KYAT1: variants seen among roughly 807,000 people sequenced by gnomAD.
The protein encoded by KYAT1 is kynurenine aminotransferase 1.
Under a neutral mutation model 52.4 loss-of-function variants are expected in KYAT1, and 47 were observed. The ratio of observed to expected loss-of-function variants is 0.90; its 90% CI spans 0.71 to 1.14. KYAT1 has a LOEUF of 1.14. KYAT1 is among the 50% of genes most tolerant of loss of function. The pLI, the probability that KYAT1 is intolerant of heterozygous loss-of-function variation, is 0.00. For missense variants in KYAT1, 480 were observed against 557.9 expected (o/e 0.86, Z 1.41); for synonymous variants, 212 against 209.6 (o/e 1.01, Z -0.10).
chr9:128,869,582 CAAAAT>C (rs1237179432), intron 1 of KYAT1, among the ~76,000 whole-genome samples: 3 of 152,080 alleles, frequency 2.0e-5, no homozygotes, highest in Non-Finnish European at 4.4e-5. Context: ...AAAATTAACT[CAAAAT>C]AAACCAACAA....
At chr9:128,834,583 G>A (rs1023185715) in intron 11 of KYAT1, among the ~76,000 whole-genome samples, 1 of 152,054 alleles carries the variant, frequency 6.6e-6, no homozygotes, top group Non-Finnish European at 1.5e-5. Context: ...CAGCACTTTG[G>A]GAGGCCAAGG....
At chr9:128,850,530 C>T (rs1203472497) in intron 1 of KYAT1, among the ~76,000 whole-genome samples, 1 of 152,156 alleles carries the variant, frequency 6.6e-6, no homozygotes, top group Admixed American at 6.5e-5. Flanking sequence ...ACCAGGGGCA[C>T]AATGCACTGC....
At chr9:128,842,565 C>T in intron 3 of KYAT1, 89 bp downstream of exon 3, 1 of 1,354,312 alleles carries the variant, frequency 7.4e-7, no homozygotes, top group Admixed American at 1.9e-5. Flanking sequence ...GCTCTGTCCC[C>T]TGAAGCCTGA....
At chr9:128,871,850 G>A (rs575902542) in intron 1 of KYAT1, among the ~76,000 whole-genome samples, 1 of 152,294 alleles carries the variant, frequency 6.6e-6, no homozygotes, top group Admixed American at 6.5e-5. Flanking sequence ...CATGTTGGCT[G>A]GGCGTGGTGG....
chr9:128,876,991 C>T (rs1211120549), intron 1 of KYAT1, among the ~76,000 whole-genome samples: 1 of 152,046 alleles, frequency 6.6e-6, no homozygotes, highest in Non-Finnish European at 1.5e-5. Flanking sequence ...CTCTGCCTCC[C>T]GGGTTCAAGT....
At chr9:128,876,884 G>A (rs1376108315) in intron 1 of KYAT1, among the ~76,000 whole-genome samples, 3 of 150,808 alleles carry the variant, frequency 2.0e-5, no homozygotes, top group Non-Finnish European at 4.4e-5. Flanking sequence ...ACGCCACCAC[G>A]CCCAGCTAAT....
intron 1 of KYAT1, among the ~76,000 whole-genome samples, chr9:128,865,613 C>T (rs945830101): frequency 5.9e-5 from 9 of 151,522 alleles, no homozygotes; most frequent in African/African-American, 1.9e-4. Context: ...CCACCCACCT[C>T]GGCTTCCCAA....
intron 1 of KYAT1, among the ~76,000 whole-genome samples, chr9:128,873,363 G>GA (rs74942940): frequency 0.044 from 4,773 of 107,566 alleles, 175 homozygotes; most frequent in African/African-American, 0.11. Context: ...TATAGAAAAT[G>GA]AAAAAAAAAA....
At chr9:128,840,563 T>G (rs1372065947) in intron 3 of KYAT1, 1 of 407,742 alleles carries the variant, frequency 2.5e-6, no homozygotes, top group Non-Finnish European at 4.7e-6. Flanking sequence ...TGTCTCTAGT[T>G]AAAAGAAAAA....
In KYAT1 at chr9:128,862,247, C is replaced by G. The variant is rs937541539; in HGVS notation, c.-6-16836G>C. 2.0e-5 allele frequency among the ~76,000 whole-genome samples: 3 copies of G among 152,198 alleles called. No homozygotes were observed. The East Asian group carries it at 5.8e-4, about 29-fold the overall frequency. On this transcript the variant is annotated intron_variant, in intron 1 of 12. Coordinates refer to ENST00000302586, the MANE Select transcript of KYAT1 (RefSeq NM_004059.5). Reference sequence around the variant, plus strand: ...CAAACTCCTGGGCTCAAGGCATCCTCCTGCCGCAGCGTCCCAGTGCTGGGA... The same window carrying G: ...CAAACTCCTGGGCTCAAGGCATCCTGCTGCCGCAGCGTCCCAGTGCTGGGA...
chr9:128,864,508 T>G (rs1239074728), intron 1 of KYAT1, among the ~76,000 whole-genome samples: 2 of 152,138 alleles, frequency 1.3e-5, no homozygotes, highest in East Asian at 3.8e-4. Flanking sequence ...TCTGTACCCA[T>G]TAAACAATTA....
At chr9:128,845,502 C>T in intron 1 of KYAT1, 91 bp from the exon 2 acceptor site, 2 of 1,221,904 alleles carry the variant, frequency 1.6e-6, no homozygotes, top group East Asian at 4.7e-5. Context: ...GCTTTCAGGC[C>T]ACAGCGCCAT....
chr9:128,876,518 C>T (rs1383722932), intron 1 of KYAT1, among the ~76,000 whole-genome samples: 6 of 147,782 alleles, frequency 4.1e-5, no homozygotes, highest in Admixed American at 1.4e-4. Context: ...CCCGGGTTCA[C>T]GCCACTCTCC....
intron 1 of KYAT1, among the ~76,000 whole-genome samples, chr9:128,874,655 G>C (rs966402225): frequency 6.8e-6 from 1 of 147,246 alleles, no homozygotes; most frequent in African/African-American, 2.5e-5. Context: ...GTCATCCTTT[G>C]TTTTCAATGT....
intron 1 of KYAT1, chr9:128,846,857 C>A: frequency 1.3e-6 from 2 of 1,534,958 alleles, no homozygotes; most frequent in South Asian, 1.2e-5. Context: ...TCTCAGCCAC[C>A]TGCTGTGGTC....
intron 11 of KYAT1, among the ~76,000 whole-genome samples, chr9:128,834,658 T>C (rs1390325808): frequency 6.6e-6 from 1 of 151,088 alleles, no homozygotes; most frequent in Non-Finnish European, 1.5e-5. Context: ...ACCCCGTCTC[T>C]ACTAAAAATA....
At chr9:128,876,078 G>A (rs1461466379) in intron 1 of KYAT1, among the ~76,000 whole-genome samples, 3 of 152,092 alleles carry the variant, frequency 2.0e-5, no homozygotes. Flanking sequence ...TGGAATCCAG[G>A]CTTGGCAGCC....
chr9:128,841,772 AG>A (rs952165896), intron 3 of KYAT1, among the ~76,000 whole-genome samples: 2 of 151,462 alleles, frequency 1.3e-5, no homozygotes, highest in Middle Eastern at 3.2e-3. Context: ...CCGAGGTGGC[AG>A]GATCACTTGA....
At chr9:128,848,628 G>T (rs1833462443) in intron 1 of KYAT1, among the ~76,000 whole-genome samples, 1 of 151,908 alleles carries the variant, frequency 6.6e-6, no homozygotes, top group Non-Finnish European at 1.5e-5. Context: ...GACCAGCCTG[G>T]CCAACATGCT....
Sources: gnomAD v4.1 joint callset for allele counts (sites outside exome capture counted in the v4.1 genomes callset) on GRCh38, gnomAD v4.1.1 for gene constraint, MANE v1.5 for transcripts, NCBI Gene and HGNC (gene_info 2026-07-23, HGNC 2026-07-21) for gene names.